ITGA9: variants seen among roughly 807,000 people sequenced by gnomAD.
ITGA9 encodes integrin subunit alpha 9.
ITGA9 carries 56 observed loss-of-function variants against 127.8 expected under a neutral mutation model. The observed-to-expected ratio is 0.44, with a 90% CI of 0.35 to 0.55. ITGA9 has a LOEUF of 0.55. ITGA9 is among the 20% of genes least tolerant of loss of function. The pLI is 0.00. For synonymous variants in ITGA9, 508 were observed against 514.5 expected (o/e 0.99, Z 0.17); for missense variants, 1,196 against 1,347.1 (o/e 0.89, Z 1.76).
chr3:37,529,461 CAGTG>C (rs1040540100), intron 13 of ITGA9, among the ~76,000 whole-genome samples: 1 of 152,062 alleles, frequency 6.6e-6, no homozygotes, highest in Non-Finnish European at 1.5e-5. Flanking sequence ...AGCCAGATGG[CAGTG>C]GGTGGGTGAG....
At chr3:37,473,850 C>T (rs12019224) in intron 3 of ITGA9, among the ~76,000 whole-genome samples, 86,372 of 151,934 alleles carry the variant, frequency 0.57, 24,884 homozygotes, top group Middle Eastern at 0.71. Context: ...ATATTTCCAT[C>T]GTCCCAAAAG....
intron 18 of ITGA9, among the ~76,000 whole-genome samples, chr3:37,701,646 G>T (rs559181358): frequency 6.6e-6 from 1 of 152,208 alleles, no homozygotes; most frequent in South Asian, 2.1e-4. Context: ...TTTATGACAA[G>T]AAAAAGTCCT....
intron 15 of ITGA9, among the ~76,000 whole-genome samples, chr3:37,592,142 T>G (rs1274761318): frequency 6.6e-6 from 1 of 152,184 alleles, no homozygotes; most frequent in African/African-American, 2.4e-5. Context: ...CATCTCCCTT[T>G]ACACCAGTTT....
chr3:37,609,607 C>G (rs552365842), intron 15 of ITGA9, among the ~76,000 whole-genome samples: 1 of 152,308 alleles, frequency 6.6e-6, no homozygotes, highest in African/African-American at 2.4e-5. Context: ...GCTGAACAAA[C>G]CACTCCAAAC....
intron 15 of ITGA9, among the ~76,000 whole-genome samples, chr3:37,604,331 C>G (rs1436838512): frequency 6.6e-6 from 1 of 152,196 alleles, no homozygotes; most frequent in Non-Finnish European, 1.5e-5. Context: ...TCTAGTTTTT[C>G]TAGTTTTCTA....
At chr3:37,650,255 A>C (rs1283778094) in intron 16 of ITGA9, among the ~76,000 whole-genome samples, 2 of 152,202 alleles carry the variant, frequency 1.3e-5, no homozygotes, top group Non-Finnish European at 2.9e-5. Context: ...AAGTCCACCC[A>C]GATTCCAGGT....
At chr3:37,578,051 G>C (rs1699670025) in intron 15 of ITGA9, among the ~76,000 whole-genome samples, 1 of 152,188 alleles carries the variant, frequency 6.6e-6, no homozygotes, top group Non-Finnish European at 1.5e-5. Context: ...GGTTTTTAGT[G>C]AGGAACTGAT....
intron 3 of ITGA9, among the ~76,000 whole-genome samples, chr3:37,474,707 A>T (rs767702671): frequency 2.0e-5 from 3 of 152,210 alleles, no homozygotes; most frequent in Non-Finnish European, 4.4e-5. Context: ...GATTTTTGTT[A>T]TAAAAGCGTA....
At chr3:37,746,543 C>A (rs752518118) in intron 22 of ITGA9, among the ~76,000 whole-genome samples, 18 of 152,310 alleles carry the variant, frequency 1.2e-4, no homozygotes, top group African/African-American at 4.3e-4. Context: ...AATACAAGCT[C>A]TCCTGTCCTC....
intron 1 of ITGA9, among the ~76,000 whole-genome samples, chr3:37,457,920 G>A (rs1205100907): frequency 1.3e-5 from 2 of 152,160 alleles, no homozygotes; most frequent in East Asian, 3.9e-4. Context: ...GTGAAGGGCC[G>A]GGCCCCAGCC....
At chr3:37,801,698 A>G (rs569441523) in intron 26 of ITGA9, among the ~76,000 whole-genome samples, 1 of 152,264 alleles carries the variant, frequency 6.6e-6, no homozygotes, top group Non-Finnish European at 1.5e-5. Flanking sequence ...ACTCCCTACA[A>G]TGATGCTAAC....
intron 4 of ITGA9, among the ~76,000 whole-genome samples, chr3:37,485,842 A>C (rs1416593423): frequency 6.6e-6 from 1 of 152,064 alleles, no homozygotes; most frequent in African/African-American, 2.4e-5. Flanking sequence ...TAGGACATAA[A>C]CTCATGGAGC....
intron 8 of ITGA9, among the ~76,000 whole-genome samples, chr3:37,512,803 C>T (rs1472838183): frequency 6.6e-6 from 1 of 152,170 alleles, no homozygotes; most frequent in African/African-American, 2.4e-5. Flanking sequence ...CAGTTTGCCA[C>T]AGTCTCCACC....
chr3:37,816,442 T>C (rs1311303583), intron 27 of ITGA9, among the ~76,000 whole-genome samples: 1 of 152,232 alleles, frequency 6.6e-6, no homozygotes. Context: ...CACAGTTTCA[T>C]GATTACATTC....
At chr3:37,542,722 C>T (rs749026333) in intron 15 of ITGA9, 137 bp downstream of exon 15, 2 of 899,380 alleles carry the variant, frequency 2.2e-6, no homozygotes, top group Non-Finnish European at 3.5e-6. Flanking sequence ...ATATCCATTT[C>T]TTCTTTTCTT....
intron 7 of ITGA9, among the ~76,000 whole-genome samples, chr3:37,506,720 T>G (rs944329493): frequency 3.9e-5 from 6 of 152,200 alleles, no homozygotes; most frequent in Admixed American, 3.9e-4. Context: ...TGTTGGTTCT[T>G]TATCATGAAG....
At chr3:37,805,559 G>T (rs1002068252) in intron 27 of ITGA9, among the ~76,000 whole-genome samples, 1 of 152,072 alleles carries the variant, frequency 6.6e-6, no homozygotes, top group African/African-American at 2.4e-5. Context: ...AATATCCCTG[G>T]AGCCAAATAT....
chr3:37,563,012 C>T (rs1020744175), intron 15 of ITGA9, among the ~76,000 whole-genome samples: 4 of 149,170 alleles, frequency 2.7e-5, no homozygotes, highest in African/African-American at 9.7e-5. Context: ...TCTCCATATC[C>T]CCAGCACCAC....
rs568959662 is a variant in ITGA9 at position 37,504,736 on chromosome 3, C to A, written c.743-1264C>A. ...ATCAGCTGCAGGGATTATCAAGGAT[C>A]CGTTCAGGCTTTGATCTCACTCAGA... On this transcript the variant is annotated intron_variant, in intron 6 of 27. Transcript: ENST00000264741. Among the ~76,000 whole-genome samples the A allele has an allele frequency of 2.6e-5, 4 of 152,286 alleles. No homozygotes were observed. In the South Asian group the frequency reaches 8.3e-4, roughly 32 times the overall value.
Sources: gnomAD v4.1 joint callset for allele counts (sites outside exome capture counted in the v4.1 genomes callset) on GRCh38, gnomAD v4.1.1 for gene constraint, MANE v1.5 for transcripts, NCBI Gene and HGNC (gene_info 2026-07-23, HGNC 2026-07-21) for gene names.